Variants in FAAH2 observed in about 807,000 individuals in gnomAD.
The protein encoded by FAAH2 is fatty-acid amide hydrolase 2.
In FAAH2, 60 loss-of-function variants were observed where a neutral mutation model predicts 36.9. The ratio of observed to expected loss-of-function variants is 1.63; its 90% confidence interval spans 1.32 to 2.02. The LOEUF (loss-of-function observed/expected upper bound fraction) is 2.02, where lower values mean the gene tolerates loss of function less well. Among genes scored for constraint, FAAH2 ranks in the 30% most tolerant of loss-of-function variants. The probability of loss-of-function intolerance (pLI) is 0.00; values close to 1 mark genes in which losing one functional copy is unlikely to be tolerated. For missense variants in FAAH2, 689 were observed against 397.5 expected (o/e 1.73, Z -6.23); for synonymous variants, 214 against 143.8 (o/e 1.49, Z -3.49).
At chrX:57,200,093 A>G in the FAAH2 span, among the ~76,000 whole-genome samples, 1 of 110,776 alleles carries the variant, frequency 9.0e-6, no homozygotes, top group Non-Finnish European at 1.9e-5. Context: ...ATTCAATGTT[A>G]TTATCAATAA....
the FAAH2 span, among the ~76,000 whole-genome samples, chrX:57,260,154 T>C: frequency 9.0e-6 from 1 of 111,693 alleles, no homozygotes; most frequent in African/African-American, 3.2e-5. Flanking sequence ...AAAACGCAGT[T>C]GAAAAACTAT....
chrX:57,158,959 G>A, the FAAH2 span, among the ~76,000 whole-genome samples: 196 of 112,286 alleles, frequency 1.7e-3, 1 homozygote, highest in African/African-American at 6.1e-3. Context: ...TTTTCTTCTA[G>A]GATTTTTATG....
rs1213856977 is a variant in FAAH2, at chrX:57,352,010, A to G, written c.742+10620A>G. On this transcript the variant is annotated intron_variant, in intron 5 of 10. Coordinates refer to ENST00000374900, the MANE Select transcript of FAAH2 (RefSeq NM_174912.4). ...CAAAACAAAATAAGGAAGCAAATAT[A>G]TGTGTGTGTGTATATATATATATAT... Among the ~76,000 whole-genome samples the G allele has an allele frequency of 6.6e-5, 2 of 30,170 alleles. 1 individual carries two copies. The highest frequency in any genetic ancestry group is 2.7e-4 in the Non-Finnish European group (2 of 7,522). The allele number at this position is 30,170 out of a possible 115,157, so 26.2% of individuals were successfully genotyped here.
At chrX:57,274,059 TA>T in the FAAH2 span, among the ~76,000 whole-genome samples, 1 of 110,345 alleles carries the variant, frequency 9.1e-6, no homozygotes, top group African/African-American at 3.3e-5. Context: ...GTAGACAAAA[TA>T]AAAAATGATA....
chrX:57,215,110 CAAAAAA>C, the FAAH2 span, among the ~76,000 whole-genome samples: 1 of 78,217 alleles, frequency 1.3e-5, no homozygotes, highest in African/African-American at 4.4e-5. Context: ...AACAAACTTA[CAAAAAA>C]AAAAAAAAGA....
the FAAH2 span, among the ~76,000 whole-genome samples, chrX:57,271,406 G>A: frequency 8.9e-6 from 1 of 112,178 alleles, no homozygotes; most frequent in African/African-American, 3.2e-5. Flanking sequence ...CACAGTGTTC[G>A]TGCTTTGCTA....
the FAAH2 span, among the ~76,000 whole-genome samples, chrX:57,176,002 ATT>A: frequency 1.0e-4 from 11 of 110,459 alleles, no homozygotes; most frequent in Admixed American, 2.9e-4. Context: ...TGCTTTTAGA[ATT>A]TTTTTTCCTT....
At chrX:57,197,367 G>A in the FAAH2 span, among the ~76,000 whole-genome samples, 115 of 110,262 alleles carry the variant, frequency 1.0e-3, no homozygotes, top group Admixed American at 6.7e-3. Context: ...ATTCTTTCTC[G>A]GGCAATTCAG....
the FAAH2 span, among the ~76,000 whole-genome samples, chrX:57,259,671 A>G: frequency 8.9e-6 from 1 of 112,112 alleles, no homozygotes; most frequent in African/African-American, 3.2e-5. Flanking sequence ...TAACAGAGTA[A>G]ATCTTAAGTT....
chrX:57,190,655 C>A, the FAAH2 span, among the ~76,000 whole-genome samples: 3 of 110,296 alleles, frequency 2.7e-5, no homozygotes, highest in South Asian at 1.2e-3. Flanking sequence ...GGAAGCCCCT[C>A]CACCCGCTCC....
intron 5 of FAAH2, among the ~76,000 whole-genome samples, chrX:57,368,588 C>T (rs1439302197): frequency 8.9e-6 from 1 of 111,922 alleles, no homozygotes; most frequent in Non-Finnish European, 1.9e-5. Context: ...ACCAGAGACA[C>T]TGATGCTCAC....
intron 10 of FAAH2, among the ~76,000 whole-genome samples, chrX:57,484,213 G>A (rs2057432837): frequency 9.0e-6 from 1 of 111,183 alleles, no homozygotes. Context: ...CATCTCTGTT[G>A]TTTCAGGTAA....
Position 57,416,516 on chromosome X carries a change from G to C in FAAH2, c.997-15402G>C, listed in dbSNP as rs767842409. On this transcript the variant is annotated intron_variant, in intron 7 of 10. Coordinates refer to ENST00000374900, the MANE Select transcript of FAAH2 (RefSeq NM_174912.4). ...TTTGTTTAGCTGGATGTGAAATTCT[G>C]GGTTGAAAATTATTTTCTTTAAGAA... is the stretch of plus-strand genomic sequence containing the variant. Among the ~76,000 whole-genome samples, 4 of 111,775 alleles carry C rather than the reference G, an allele frequency of 3.6e-5. No individual in the cohort carries two copies. The South Asian group carries it at 1.5e-3, about 41-fold the overall frequency.
chrX:57,407,490 C>A (rs765117635), intron 7 of FAAH2, among the ~76,000 whole-genome samples: 2 of 112,118 alleles, frequency 1.8e-5, no homozygotes, highest in Non-Finnish European at 3.8e-5. Context: ...CCTACCTAAC[C>A]TGTCCATGGA....
At chrX:57,192,241 A>G in the FAAH2 span, among the ~76,000 whole-genome samples, 2 of 111,638 alleles carry the variant, frequency 1.8e-5, no homozygotes, top group African/African-American at 3.3e-5. Flanking sequence ...GATTGCTTTT[A>G]TATTTCTTTT....
chrX:57,387,718 C>G (rs2055061071), intron 7 of FAAH2, among the ~76,000 whole-genome samples: 1 of 111,580 alleles, frequency 9.0e-6, no homozygotes, highest in Non-Finnish European at 1.9e-5. Context: ...TAGGCACACT[C>G]CAAAATTCCA....
At chrX:57,423,228 G>T (rs1159900757) in intron 7 of FAAH2, among the ~76,000 whole-genome samples, 1 of 111,964 alleles carries the variant, frequency 8.9e-6, no homozygotes, top group Non-Finnish European at 1.9e-5. Context: ...TATCCAGAAT[G>T]GGTGAAAGTC....
At chrX:57,402,306 C>T (rs949035537) in intron 7 of FAAH2, among the ~76,000 whole-genome samples, 1 of 112,003 alleles carries the variant, frequency 8.9e-6, no homozygotes, top group African/African-American at 3.2e-5. Flanking sequence ...TTAAAGTGTC[C>T]TTGTAGACCA....
intron 7 of FAAH2, among the ~76,000 whole-genome samples, chrX:57,423,664 C>T (rs1010233122): frequency 1.8e-5 from 2 of 110,898 alleles, no homozygotes; most frequent in African/African-American, 3.3e-5. Context: ...TGGAGCATTG[C>T]CCCAGTGGTG....
Sources: allele counts gnomAD v4.1 joint callset (sites outside exome capture counted in the v4.1 genomes callset), GRCh38; gene constraint gnomAD v4.1.1; transcripts MANE v1.5; gene names NCBI Gene and HGNC (gene_info 2026-07-23, HGNC 2026-07-21).